The following METTL15 variants were observed in gnomAD, a reference collection of about 807,000 sequenced individuals.
METTL15 encodes the protein methyltransferase 15, mitochondrial 12S rRNA N4-cytidine, also known as 12S rRNA N(4)-cytidine methyltransferase METTL15.
A neutral mutation model predicts 38.3 loss-of-function variants in METTL15; 34 were observed. That is an observed-to-expected ratio of 0.89 (90% CI 0.68 to 1.18). The LOEUF (loss-of-function observed/expected upper bound fraction) is 1.18, where lower values mean the gene tolerates loss of function less well. Ranked by LOEUF, METTL15 falls within the 50% of genes most tolerant of loss-of-function variation. The probability of loss-of-function intolerance (pLI) is 0.00; values close to 1 mark genes in which losing one functional copy is unlikely to be tolerated. For missense variants in METTL15, 438 were observed against 498.4 expected (o/e 0.88, Z 1.15); for synonymous variants, 162 against 170.9 (o/e 0.95, Z 0.41).
intron 6 of METTL15, among the ~76,000 whole-genome samples, chr11:28,493,342 T>C (rs528916174): frequency 8.5e-5 from 13 of 152,296 alleles, no homozygotes; most frequent in Middle Eastern, 6.8e-3. Flanking sequence ...TCTGAACTGT[T>C]GGGCCTGAAG....
At chr11:28,500,593 C>G (rs968740917) in intron 6 of METTL15, among the ~76,000 whole-genome samples, 1 of 151,354 alleles carries the variant, frequency 6.6e-6, no homozygotes, top group Non-Finnish European at 1.5e-5. Context: ...AGTGCAATGG[C>G]GAGATCTCGG....
At chr11:28,405,344 T>C (rs552879539) in intron 5 of METTL15, among the ~76,000 whole-genome samples, 2 of 152,304 alleles carry the variant, frequency 1.3e-5, no homozygotes, top group African/African-American at 4.8e-5. Flanking sequence ...AAGCAAGATT[T>C]CAAGACATGC....
chr11:28,282,173 C>A (rs777887701), intron 4 of METTL15, among the ~76,000 whole-genome samples: 7 of 152,158 alleles, frequency 4.6e-5, no homozygotes, highest in Admixed American at 4.6e-4. Context: ...TACTCTCTCC[C>A]AGATTATCAT....
intron 6 of METTL15, among the ~76,000 whole-genome samples, chr11:28,329,220 T>C (rs1028986265): frequency 1.3e-5 from 2 of 152,122 alleles, no homozygotes; most frequent in African/African-American, 4.8e-5. Context: ...CTTTTCCCAA[T>C]TGAATGGTCT....
chr11:28,412,537 G>C (rs1850737372), intron 5 of METTL15, among the ~76,000 whole-genome samples: 1 of 151,816 alleles, frequency 6.6e-6, no homozygotes, highest in Admixed American at 6.6e-5. Flanking sequence ...AATATACATG[G>C]AATAATGGAA....
At chr11:28,262,734 C>A (rs1001227451) in intron 4 of METTL15, among the ~76,000 whole-genome samples, 1 of 152,064 alleles carries the variant, frequency 6.6e-6, no homozygotes, top group African/African-American at 2.4e-5. Flanking sequence ...TGAGCCAAAA[C>A]AGTGTGTCTG....
intron 6 of METTL15, among the ~76,000 whole-genome samples, chr11:28,444,344 T>G (rs1851058441): frequency 6.6e-6 from 1 of 152,312 alleles, no homozygotes; most frequent in East Asian, 1.9e-4. Context: ...TATTTTTTCC[T>G]AAATAGATTG....
intron 5 of METTL15, among the ~76,000 whole-genome samples, chr11:28,409,079 T>C (rs994290373): frequency 3.3e-5 from 5 of 152,174 alleles, no homozygotes; most frequent in Admixed American, 3.3e-4. Context: ...AAACAATTTT[T>C]ATTTTAAGAA....
At chr11:28,374,372 G>A (rs1342670113) in intron 5 of METTL15, among the ~76,000 whole-genome samples, 1 of 152,002 alleles carries the variant, frequency 6.6e-6, no homozygotes, top group Non-Finnish European at 1.5e-5. Context: ...CCTTGAAGAG[G>A]TCCTTCACAT....
chr11:28,447,337 A>T (rs2133444744), intron 6 of METTL15, among the ~76,000 whole-genome samples: 1 of 152,284 alleles, frequency 6.6e-6, no homozygotes, highest in Non-Finnish European at 1.5e-5. Flanking sequence ...GAAGCAATAG[A>T]TGTCCTAAAA....
intron 6 of METTL15, among the ~76,000 whole-genome samples, chr11:28,500,861 G>C (rs578087214): frequency 7.2e-5 from 11 of 152,184 alleles, no homozygotes; most frequent in Admixed American, 1.3e-4. Flanking sequence ...TTGATTTTCA[G>C]TGTATATGAC....
At chr11:28,368,491 G>T (rs1248117893) in intron 5 of METTL15, among the ~76,000 whole-genome samples, 2 of 152,126 alleles carry the variant, frequency 1.3e-5, no homozygotes, top group Non-Finnish European at 2.9e-5. Context: ...TCATTAAAAA[G>T]TCAGGAAACA....
Position 28,136,924 on chromosome 11 carries a change from C to T in METTL15, c.270+23320C>T, listed in dbSNP as rs753103069. Among the ~76,000 whole-genome samples, 5 of 151,758 alleles carry T rather than the reference C, an allele frequency of 3.3e-5. No homozygotes were observed. The South Asian group carries it at 8.3e-4, about 25-fold the overall frequency. On this transcript the variant is annotated intron_variant, in intron 3 of 6. Coordinates refer to ENST00000407364, the MANE Select transcript of METTL15 (RefSeq NM_001113528.2). ...GACTTAAAAAAAAAAAAGGTAAAAC[C>T]TTTCATTATCTTTTACTGTTACATG...
chr11:28,330,446 T>C lies in METTL15; in HGVS notation c.829T>C (p.Ser277Pro). ...TACACGGAAAGACTTACTACAGCGATCTACCCATATTGCCACCAAGACTTT... is the reference window on the plus strand; with the variant it reads ...TACACGGAAAGACTTACTACAGCGACCTACCCATATTGCCACCAAGACTTT... ...IYTRKDLLQR[S>P]THIATKTFQA... The change falls in exon 7 of 7, where the codon TCT becomes CCT. Residue 277 changes from serine (S) to proline (P), a missense_variant. Transcript: ENST00000407364. 6.4e-7 allele frequency: 1 copy of C among 1,551,648 alleles called. No homozygotes were observed. The highest frequency in any genetic ancestry group is 1.2e-5 in the South Asian group (1 of 84,050).
chr11:28,155,694 T>G (rs1486025080), intron 3 of METTL15, among the ~76,000 whole-genome samples: 1 of 152,162 alleles, frequency 6.6e-6, no homozygotes, highest in Non-Finnish European at 1.5e-5. Context: ...AAAGACTGTG[T>G]GAGTTCAAAT....
chr11:28,400,748 A>G (rs1850623178), intron 5 of METTL15, among the ~76,000 whole-genome samples: 1 of 151,900 alleles, frequency 6.6e-6, no homozygotes, highest in Admixed American at 6.6e-5. Flanking sequence ...TGGTCAAGGG[A>G]TTGAAAATGT....
intron 6 of METTL15, among the ~76,000 whole-genome samples, chr11:28,426,869 T>A (rs1850870292): frequency 6.6e-6 from 1 of 152,090 alleles, no homozygotes; most frequent in African/African-American, 2.4e-5. Context: ...ATTGCAAAAA[T>A]TTTTTCTCAT....
At chr11:28,125,736 A>G (rs1270113609) in intron 3 of METTL15, 1 of 152,114 alleles carries the variant, frequency 6.6e-6, no homozygotes, top group African/African-American at 2.4e-5. Context: ...TTCCAGGTAC[A>G]ACTTAAATTG....
At chr11:28,437,756 C>T (rs1391431621) in intron 6 of METTL15, among the ~76,000 whole-genome samples, 2 of 152,104 alleles carry the variant, frequency 1.3e-5, no homozygotes, top group Admixed American at 6.6e-5. Flanking sequence ...TCTCTGACAC[C>T]CCAGCTAGAT....
Sources: allele counts gnomAD v4.1 joint callset (sites outside exome capture counted in the v4.1 genomes callset), GRCh38; gene constraint gnomAD v4.1.1; transcripts MANE v1.5; gene names NCBI Gene and HGNC (gene_info 2026-07-23, HGNC 2026-07-21).